RBFOX1: variants seen among roughly 807,000 people sequenced by gnomAD.
RBFOX1 encodes the protein RNA binding protein fox-1 homolog 1.
RBFOX1 carries 8 observed loss-of-function variants against 57.7 expected under a neutral mutation model. The observed-to-expected ratio is 0.14, with a 90% CI of 0.08 to 0.25. RBFOX1 has a LOEUF of 0.25. Among genes scored for constraint, RBFOX1 ranks in the 10% least tolerant of loss-of-function variants. The pLI is 1.00. For synonymous variants in RBFOX1, 326 were observed against 222.4 expected (o/e 1.47, Z -4.15); for missense variants, 611 against 548.5 (o/e 1.11, Z -1.14).
intron 4 of RBFOX1, among the ~76,000 whole-genome samples, chr16:7,209,969 A>G (rs1332508331): frequency 6.6e-6 from 1 of 152,172 alleles, no homozygotes; most frequent in East Asian, 1.9e-4. Flanking sequence ...AGCCCCATTG[A>G]TTCACCTGTG....
chr16:7,303,721 CCT>C (rs1293293166), intron 4 of RBFOX1, among the ~76,000 whole-genome samples: 1 of 151,762 alleles, frequency 6.6e-6, no homozygotes, highest in African/African-American at 2.4e-5. Context: ...AACCTCTCTT[CCT>C]CTCTTTCAAT....
chr16:6,159,728 T>C lies in RBFOX1; in HGVS notation c.-127+139736T>C, dbSNP rs759870838. Among the ~76,000 whole-genome samples, 90 of 152,326 alleles carry C rather than the reference T, an allele frequency of 5.9e-4. 2 individuals carry two copies. Among genetic ancestry groups the C allele is most frequent in the Admixed American group, 1.0e-3 (16 of 15,304 alleles). ...TAACCTCATTTTTCTGCAGCTTCAT[T>C]CTATGTTTCCTTAAAGATTTCGCAG... On this transcript the variant is annotated intron_variant, in intron 1 of 15. Coordinates refer to ENST00000550418, the MANE Select transcript of RBFOX1 (RefSeq NM_018723.4).
intron 1 of RBFOX1, among the ~76,000 whole-genome samples, chr16:5,297,909 TA>T (rs1405516547): frequency 6.6e-6 from 1 of 152,246 alleles, no homozygotes; most frequent in African/African-American, 2.4e-5. Context: ...TGTTAGGTAT[TA>T]ATGTCTTTAA....
At chr16:7,180,107 C>T (rs1196148822) in intron 4 of RBFOX1, among the ~76,000 whole-genome samples, 2 of 152,154 alleles carry the variant, frequency 1.3e-5, no homozygotes, top group Admixed American at 1.3e-4. Flanking sequence ...TTGTCCACAG[C>T]AGCCCTGATA....
chr16:6,594,997 C>T (rs960141116), intron 2 of RBFOX1, among the ~76,000 whole-genome samples: 1 of 152,082 alleles, frequency 6.6e-6, no homozygotes, highest in Non-Finnish European at 1.5e-5. Flanking sequence ...CCGTGTTGGC[C>T]AGGCTGGTCT....
chr16:5,395,128 G>C (rs369177522), intron 1 of RBFOX1, among the ~76,000 whole-genome samples: 1 of 152,160 alleles, frequency 6.6e-6, no homozygotes, highest in South Asian at 2.1e-4. Flanking sequence ...TCAGCCACAG[G>C]GAACTACCTG....
intron 3 of RBFOX1, among the ~76,000 whole-genome samples, chr16:5,766,008 A>C (rs540898866): frequency 1.8e-4 from 27 of 152,222 alleles, no homozygotes; most frequent in Non-Finnish European, 2.8e-4. Flanking sequence ...CTGGAGAGTC[A>C]GCCCATTGGG....
chr16:5,590,046 TACACACACACAC>T (rs148421648), intron 2 of RBFOX1, among the ~76,000 whole-genome samples: 1 of 142,886 alleles, frequency 7.0e-6, no homozygotes, highest in Admixed American at 6.8e-5. Context: ...GTCTGCGTGT[TACACACACACAC>T]ACACACACAC....
At chr16:7,674,111 T>C (rs939298937) in intron 13 of RBFOX1, among the ~76,000 whole-genome samples, 1 of 152,224 alleles carries the variant, frequency 6.6e-6, no homozygotes, top group Non-Finnish European at 1.5e-5. Context: ...TATGTACACA[T>C]ACACTGAGTT....
chr16:7,518,523 T>C (rs999969727), intron 5 of RBFOX1, 134 bp downstream of exon 5: 10 of 1,182,688 alleles, frequency 8.5e-6, no homozygotes, highest in Middle Eastern at 2.3e-4. Context: ...ACCCTCATCA[T>C]ACCAGCTTCC....
chr16:6,477,640 C>A lies in RBFOX1; in HGVS notation c.-64+160583C>A. ...GATTCAAAATGGTAAATGAGCCTTGCTTTCAATTTAAAGTTACCAGCTGTA... is the reference window on the plus strand; with the variant it reads ...GATTCAAAATGGTAAATGAGCCTTGATTTCAATTTAAAGTTACCAGCTGTA... On this transcript the variant is annotated intron_variant, in intron 2 of 15. Transcript: ENST00000550418. Among the ~76,000 whole-genome samples the A allele has an allele frequency of 1.3e-5, 2 of 152,182 alleles. 1 individual carries two copies. The highest frequency in any genetic ancestry group is 2.9e-5 in the Non-Finnish European group (2 of 68,036).
At chr16:6,623,790 C>A (rs2098268133) in intron 2 of RBFOX1, among the ~76,000 whole-genome samples, 3 of 152,170 alleles carry the variant, frequency 2.0e-5, no homozygotes, top group Non-Finnish European at 4.4e-5. Context: ...TTTTTTATGG[C>A]TGCATAGTAT....
intron 2 of RBFOX1, among the ~76,000 whole-genome samples, chr16:5,592,479 C>T (rs1189391462): frequency 2.6e-5 from 4 of 151,038 alleles, no homozygotes; most frequent in Non-Finnish European, 5.9e-5. Flanking sequence ...TGCAGTGGCA[C>T]GATTTCGGCT....
At chr16:5,835,540 A>G (rs931292830) in intron 3 of RBFOX1, among the ~76,000 whole-genome samples, 3 of 152,094 alleles carry the variant, frequency 2.0e-5, no homozygotes, top group Admixed American at 6.5e-5. Flanking sequence ...ACCCTCTTGG[A>G]TCTACTGAAT....
rs1555462873 is a variant in RBFOX1 at position 7,448,927 on chromosome 16, G to GTTTTCT, written c.28-69216_28-69215insCTTTTT. 7.4e-4 allele frequency among the ~76,000 whole-genome samples: 61 copies of GTTTTCT among 82,978 alleles called. 1 individual carries two copies. The highest frequency in any genetic ancestry group is 3.2e-3 in the South Asian group (7 of 2,182). 54.4% of individuals were successfully genotyped at this position (82,978 alleles called of 152,430 possible). A position where few individuals can be genotyped will look rare whatever the true frequency, so the allele number is the denominator to read the frequency against. Reference sequence around the variant, plus strand: ...CTTGGTAGACATTTTTCTTTCCCCTGTTTTTTTTTTTTTTTTTTTGAGATG... The same window carrying GTTTTCT: ...CTTGGTAGACATTTTTCTTTCCCCTGTTTTCTTTTTTTTTTTTTTTTTTTTGAGATG... On this transcript the variant is annotated intron_variant, in intron 4 of 15. Coordinates refer to ENST00000550418, the MANE Select transcript of RBFOX1 (RefSeq NM_018723.4).
intron 13 of RBFOX1, among the ~76,000 whole-genome samples, chr16:7,676,378 A>G (rs1421208729): frequency 1.3e-5 from 2 of 152,248 alleles, no homozygotes; most frequent in East Asian, 1.9e-4. Context: ...TTTGAATAAA[A>G]TTTAAGTTAA....
intron 4 of RBFOX1, among the ~76,000 whole-genome samples, chr16:7,114,651 A>C (rs1386530111): frequency 5.3e-5 from 8 of 152,186 alleles, no homozygotes; most frequent in Admixed American, 4.6e-4. Context: ...TGGGCTGAGA[A>C]GTGCCTCATG....
rs368691450 is a variant in RBFOX1, at chr16:7,411,668, C to G, written c.28-106479C>G. 1.7e-3 allele frequency among the ~76,000 whole-genome samples: 253 copies of G among 152,206 alleles called. 14 individuals carry two copies. In the South Asian group the frequency reaches 0.039, roughly 23 times the overall value. On this transcript the variant is annotated intron_variant, in intron 4 of 15. Coordinates refer to ENST00000550418, the MANE Select transcript of RBFOX1 (RefSeq NM_018723.4). ...CCTGTAATCCCAGCACTTTGGGTGG[C>G]CAAGGTGGGTGGATCACCTGAGGTT... is the stretch of plus-strand genomic sequence containing the variant.
intron 1 of RBFOX1, among the ~76,000 whole-genome samples, chr16:5,341,722 C>G (rs2065036993): frequency 6.6e-6 from 1 of 152,210 alleles, no homozygotes; most frequent in African/African-American, 2.4e-5. Context: ...CATCATACAG[C>G]TGGCCTTGAC....
Sources: gnomAD v4.1 joint callset for allele counts (sites outside exome capture counted in the v4.1 genomes callset) on GRCh38, gnomAD v4.1.1 for gene constraint, MANE v1.5 for transcripts, NCBI Gene and HGNC (gene_info 2026-07-23, HGNC 2026-07-21) for gene names.